The following KCND2 variants were observed in gnomAD, a reference collection of about 807,000 sequenced individuals.
The protein encoded by KCND2 is A-type voltage-gated potassium channel KCND2.
KCND2 carries 16 observed loss-of-function variants against 54.4 expected under a neutral mutation model. That is an observed-to-expected ratio of 0.29 (90% confidence interval 0.20 to 0.45). The LOEUF is 0.45. KCND2 is among the 20% of genes least tolerant of loss of function. The pLI is 1.00. For missense variants in KCND2, 486 were observed against 824.2 expected, an observed-to-expected ratio of 0.59 and a Z score of 5.02; for synonymous variants, 317 against 310.7, an observed-to-expected ratio of 1.02 and a Z score of -0.21.
chr7:120,523,184 CATGTTTAGACACTAACTT>C (rs1791720970), intron 1 of KCND2, among the ~76,000 whole-genome samples: 1 of 152,046 alleles, frequency 6.6e-6, no homozygotes, highest in Non-Finnish European at 1.5e-5. Flanking sequence ...TTCCGCTATC[CATGTTTAGACACTAACTT>C]CATTTCCTAG....
intron 1 of KCND2, among the ~76,000 whole-genome samples, chr7:120,365,733 CACCTACAGGAAAAGATAAAT>C (rs1469629318): frequency 6.6e-6 from 1 of 152,054 alleles, no homozygotes; most frequent in Non-Finnish European, 1.5e-5. Flanking sequence ...CTGAAAGATG[CACCTACAGGAAAAGATAAAT>C]GAGATTTTCG....
In KCND2 at chr7:120,365,237, G is replaced by A. The variant is rs140546746; in HGVS notation, c.1115+89490G>A. ...AGGGAGGGAGGGAGGGAGGGAGGCA[G>A]GGAGGGAGGGACGGGCGAGCTAATT... On this transcript the variant is annotated intron_variant, in intron 1 of 5. Transcript: ENST00000331113. Among the ~76,000 whole-genome samples, 1,272 of 150,056 alleles carry A rather than the reference G, an allele frequency of 8.5e-3. 13 individuals are homozygous for A. Among genetic ancestry groups the A allele is most frequent in the East Asian group, 0.03 (149 of 4,984 alleles).
rs551404119 is a variant in KCND2 at position 120,519,836 on chromosome 7, A to G, written c.1116-213067A>G. Among the ~76,000 whole-genome samples, 6 of 152,246 alleles carry G rather than the reference A, an allele frequency of 3.9e-5. No individual in the cohort carries two copies. The East Asian group carries it at 1.2e-3, about 29-fold the overall frequency. On this transcript the variant is annotated intron_variant, in intron 1 of 5. Coordinates refer to ENST00000331113, the MANE Select transcript of KCND2 (RefSeq NM_012281.3). Reference sequence around the variant, plus strand: ...GGGTTTTTACACTCGAGCCTGATCCATTTGCTTCATATTTATTTAACATAG... The same window carrying G: ...GGGTTTTTACACTCGAGCCTGATCCGTTTGCTTCATATTTATTTAACATAG...
At chr7:120,404,802 C>T (rs1181925349) in intron 1 of KCND2, among the ~76,000 whole-genome samples, 1 of 151,806 alleles carries the variant, frequency 6.6e-6, no homozygotes. Flanking sequence ...TTTTGTAGCT[C>T]CTCCTCCTTC....
chr7:120,384,211 C>T (rs1368949175), intron 1 of KCND2, among the ~76,000 whole-genome samples: 1 of 151,110 alleles, frequency 6.6e-6, no homozygotes, highest in Non-Finnish European at 1.5e-5. Context: ...TGTTTTTTTC[C>T]CCCCCAAATA....
At chr7:120,709,392 G>T (rs1382505423) in intron 1 of KCND2, among the ~76,000 whole-genome samples, 1 of 152,116 alleles carries the variant, frequency 6.6e-6, no homozygotes, top group African/African-American at 2.4e-5. Flanking sequence ...ACTTGGATAT[G>T]CATATGTATT....
At chr7:120,331,542 T>G (rs1228121955) in intron 1 of KCND2, among the ~76,000 whole-genome samples, 1 of 151,986 alleles carries the variant, frequency 6.6e-6, no homozygotes, top group Non-Finnish European at 1.5e-5. Flanking sequence ...GTGCATGCAT[T>G]ATGTTTGAGG....
intron 1 of KCND2, among the ~76,000 whole-genome samples, chr7:120,588,521 A>G (rs1346206025): frequency 6.6e-6 from 1 of 152,010 alleles, no homozygotes; most frequent in Non-Finnish European, 1.5e-5. Context: ...ATCTTGAAAT[A>G]GAATCTAATG....
At chr7:120,352,349 AATAC>A (rs985466163) in intron 1 of KCND2, among the ~76,000 whole-genome samples, 1 of 151,820 alleles carries the variant, frequency 6.6e-6, no homozygotes, top group Non-Finnish European at 1.5e-5. Context: ...ATTTTTCCCA[AATAC>A]ATACATATGT....
chr7:120,297,762 C>T (rs1799531563), intron 1 of KCND2, among the ~76,000 whole-genome samples: 1 of 152,114 alleles, frequency 6.6e-6, no homozygotes, highest in South Asian at 2.1e-4. Flanking sequence ...TTTCAAGCCT[C>T]TTGTGCTCTA....
At position 120,728,360 on chromosome 7, in the gene KCND2, C is replaced by T. The variant is rs188951490; in HGVS notation, c.1116-4543C>T. Among the ~76,000 whole-genome samples the T allele has an allele frequency of 2.7e-3, 406 of 149,804 alleles. 2 individuals are homozygous for T. Among genetic ancestry groups the T allele is most frequent in the Admixed American group, 0.025 (371 of 15,050 alleles). On this transcript the variant is annotated intron_variant, in intron 1 of 5. Transcript: ENST00000331113. ...AGGCTGGAGTGCAATGGCGCCATCTCGGCTCACTGCAACCTCTGCCTCCTG... is the reference window on the plus strand; with the variant it reads ...AGGCTGGAGTGCAATGGCGCCATCTTGGCTCACTGCAACCTCTGCCTCCTG...
intron 1 of KCND2, among the ~76,000 whole-genome samples, chr7:120,436,843 C>CT (rs1407439477): frequency 6.6e-6 from 1 of 152,188 alleles, no homozygotes; most frequent in Non-Finnish European, 1.5e-5. Flanking sequence ...AAAGGCAACT[C>CT]TGTCAGCTGT....
intron 1 of KCND2, among the ~76,000 whole-genome samples, chr7:120,565,351 GTAGTC>G (rs1792283897): frequency 6.6e-6 from 1 of 152,152 alleles, no homozygotes; most frequent in Non-Finnish European, 1.5e-5. Context: ...CTTATGTAAT[GTAGTC>G]TATTCATAAC....
chr7:120,413,296 C>A (rs1020636741), intron 1 of KCND2, among the ~76,000 whole-genome samples: 2 of 151,790 alleles, frequency 1.3e-5, no homozygotes, highest in Non-Finnish European at 2.9e-5. Flanking sequence ...ATCTACAGTA[C>A]CAAATATTAA....
chr7:120,701,249 A>T (rs1792398452), intron 1 of KCND2, among the ~76,000 whole-genome samples: 1 of 63,076 alleles, frequency 1.6e-5, no homozygotes. Context: ...CTAAAAAAAA[A>T]AAAAAAAAAA....
chr7:120,412,482 A>G (rs1801465484), intron 1 of KCND2, among the ~76,000 whole-genome samples: 1 of 151,534 alleles, frequency 6.6e-6, no homozygotes, highest in African/African-American at 2.4e-5. Flanking sequence ...ACTCAAATTC[A>G]TTATTTCCAC....
In KCND2 at chr7:120,326,250, C is replaced by G. The variant is rs1584731510; in HGVS notation, c.1115+50503C>G. 3.3e-5 allele frequency among the ~76,000 whole-genome samples: 5 copies of G among 152,136 alleles called. 1 individual carries two copies. Among genetic ancestry groups the G allele is most frequent in the Admixed American group, 3.3e-4 (5 of 15,254 alleles). On this transcript the variant is annotated intron_variant, in intron 1 of 5. Transcript: ENST00000331113. ...TCCTTTGGGCTGCCTAGAAAGAGCA[C>G]TCTGATAAATTCAATGTAACCTTTT...
intron 1 of KCND2, among the ~76,000 whole-genome samples, chr7:120,302,159 T>G (rs984825569): frequency 6.6e-6 from 1 of 152,210 alleles, no homozygotes; most frequent in Non-Finnish European, 1.5e-5. Context: ...GAAGACTCCC[T>G]AAAAGTTCAA....
At chr7:120,478,515 T>G (rs1802561866) in intron 1 of KCND2, among the ~76,000 whole-genome samples, 1 of 151,892 alleles carries the variant, frequency 6.6e-6, no homozygotes, top group South Asian at 2.1e-4. Context: ...ATAGAAAGAG[T>G]GGAAATTAAC....
Sources: allele counts gnomAD v4.1 joint callset (sites outside exome capture counted in the v4.1 genomes callset), GRCh38; gene constraint gnomAD v4.1.1; transcripts MANE v1.5; gene names NCBI Gene and HGNC (gene_info 2026-07-23, HGNC 2026-07-21).